Variants in HPSE2 observed in about 807,000 individuals in gnomAD.
HPSE2 encodes inactive heparanase-2.
In HPSE2, 38 loss-of-function variants were observed where a neutral mutation model predicts 60.5. The observed-to-expected ratio is 0.63, with a 90% CI of 0.48 to 0.82. The LOEUF (loss-of-function observed/expected upper bound fraction) is 0.82, where lower values mean the gene tolerates loss of function less well. Ranked by LOEUF, HPSE2 falls within the 40% of genes least tolerant of loss-of-function variation. The pLI is 0.00. For missense variants in HPSE2, 713 were observed against 740.4 expected (o/e 0.96, Z 0.43); for synonymous variants, 295 against 293.2 (o/e 1.01, Z -0.06).
chr10:98,500,412 C>A (rs185803805), intron 9 of HPSE2, among the ~76,000 whole-genome samples: 1 of 152,304 alleles, frequency 6.6e-6, no homozygotes, highest in East Asian at 1.9e-4. Flanking sequence ...AAATAACCTG[C>A]TCCTGAATGA....
chr10:99,245,959 A>G, the HPSE2 span, among the ~76,000 whole-genome samples: 3 of 152,266 alleles, frequency 2.0e-5, no homozygotes, highest in African/African-American at 7.2e-5. Context: ...ACACATACAT[A>G]TGTACATAAA....
At chr10:98,847,540 C>T (rs145283420) in intron 3 of HPSE2, among the ~76,000 whole-genome samples, 5 of 152,200 alleles carry the variant, frequency 3.3e-5, no homozygotes, top group African/African-American at 7.2e-5. Flanking sequence ...TGCCAATTTG[C>T]GTGGATTAGA....
At chr10:99,028,025 C>G (rs527884714) in intron 3 of HPSE2, among the ~76,000 whole-genome samples, 47 of 152,154 alleles carry the variant, frequency 3.1e-4, no homozygotes, top group African/African-American at 1.1e-3. Context: ...CCACATACAC[C>G]AGACCCACAG....
intron 1 of HPSE2, among the ~76,000 whole-genome samples, chr10:99,233,544 G>A (rs1224800570): frequency 6.6e-6 from 1 of 152,232 alleles, no homozygotes; most frequent in Non-Finnish European, 1.5e-5. Context: ...TGATAATGCA[G>A]AGGGGATCAG....
intron 9 of HPSE2, among the ~76,000 whole-genome samples, chr10:98,516,568 C>T (rs1490876373): frequency 6.6e-6 from 1 of 152,144 alleles, no homozygotes. Context: ...GCCACTACTG[C>T]CTAGAGATAA....
intron 3 of HPSE2, among the ~76,000 whole-genome samples, chr10:99,064,615 A>G (rs953598940): frequency 1.3e-5 from 2 of 151,564 alleles, no homozygotes; most frequent in African/African-American, 4.9e-5. Flanking sequence ...ATATATATAT[A>G]TATATATATC....
chr10:98,879,786 A>G (rs1952970256), intron 3 of HPSE2, among the ~76,000 whole-genome samples: 1 of 151,892 alleles, frequency 6.6e-6, no homozygotes, highest in African/African-American at 2.4e-5. Context: ...GTGGACCTCA[A>G]GAAAACAGAC....
intron 3 of HPSE2, among the ~76,000 whole-genome samples, chr10:98,946,233 G>A (rs1955180100): frequency 6.6e-6 from 1 of 152,002 alleles, no homozygotes; most frequent in Admixed American, 6.6e-5. Context: ...ACTTTGGGAG[G>A]CCAAGGTGGG....
intron 3 of HPSE2, among the ~76,000 whole-genome samples, chr10:99,038,520 G>A (rs2487889): frequency 0.15 from 22,730 of 152,024 alleles, 1,858 homozygotes; most frequent in Admixed American, 0.22. Context: ...GAATTGGGGG[G>A]AAGCAAAGAA....
chr10:98,584,950 A>G (rs192656868), intron 9 of HPSE2, among the ~76,000 whole-genome samples: 59 of 152,336 alleles, frequency 3.9e-4, no homozygotes, highest in Admixed American at 3.1e-3. Flanking sequence ...TGTAGTACTA[A>G]GAAGAATCTT....
chr10:98,480,512 A>AGAAAGACAGGGGTTAAGGTATG (rs1207222533), intron 11 of HPSE2, among the ~76,000 whole-genome samples: 1 of 152,192 alleles, frequency 6.6e-6, no homozygotes, highest in African/African-American at 2.4e-5. Context: ...GGATAGGTAT[A>AGAAAGACAGGGGTTAAGGTATG]GAAAGACAGG....
At chr10:99,259,230 T>A in the HPSE2 span, among the ~76,000 whole-genome samples, 1 of 148,618 alleles carries the variant, frequency 6.7e-6, no homozygotes, top group Non-Finnish European at 1.5e-5. Context: ...TGCTTGAACC[T>A]GGGAGGTGGA....
At chr10:98,871,147 C>T (rs573162493) in intron 3 of HPSE2, among the ~76,000 whole-genome samples, 2 of 152,066 alleles carry the variant, frequency 1.3e-5, no homozygotes, top group African/African-American at 2.4e-5. Context: ...TACCCAGTCT[C>T]GAGTATTCCT....
intron 9 of HPSE2, among the ~76,000 whole-genome samples, chr10:98,610,471 T>C (rs949878323): frequency 2.0e-5 from 3 of 152,152 alleles, no homozygotes; most frequent in South Asian, 2.1e-4. Context: ...AATCTCACCA[T>C]AGACTAGTGA....
At chr10:98,850,736 C>CAAAAAAAAAAAAAAAAAA in intron 3 of HPSE2, among the ~76,000 whole-genome samples, 1 of 71,894 alleles carries the variant, frequency 1.4e-5, no homozygotes, top group Non-Finnish European at 2.6e-5. Flanking sequence ...GACTCCATCT[C>CAAAAAAAAAAAAAAAAAA]AAAAAAAAAA....
At chr10:99,139,360 C>A (rs1446842645) in intron 3 of HPSE2, among the ~76,000 whole-genome samples, 1 of 151,920 alleles carries the variant, frequency 6.6e-6, no homozygotes, top group African/African-American at 2.4e-5. Context: ...GACGGGTGCA[C>A]TAAAAACTCA....
At chr10:99,000,454 C>G (rs1353476337) in intron 3 of HPSE2, among the ~76,000 whole-genome samples, 1 of 151,982 alleles carries the variant, frequency 6.6e-6, no homozygotes, top group Non-Finnish European at 1.5e-5. Context: ...AACAAAATCA[C>G]CAAGAAAAAT....
At chr10:98,919,538 T>C (rs1023081258) in intron 3 of HPSE2, among the ~76,000 whole-genome samples, 10 of 152,160 alleles carry the variant, frequency 6.6e-5, no homozygotes, top group African/African-American at 2.4e-5. Flanking sequence ...ATGAGGGAAC[T>C]AAGCTAATCT....
At chr10:98,954,483 A>T (rs1955453722) in intron 3 of HPSE2, among the ~76,000 whole-genome samples, 1 of 152,210 alleles carries the variant, frequency 6.6e-6, no homozygotes, top group African/African-American at 2.4e-5. Context: ...GAGAGTTAAC[A>T]CATTAAGAAT....
Sources: gnomAD v4.1 joint callset for allele counts (sites outside exome capture counted in the v4.1 genomes callset) on GRCh38, gnomAD v4.1.1 for gene constraint, MANE v1.5 for transcripts, NCBI Gene and HGNC (gene_info 2026-07-23, HGNC 2026-07-21) for gene names.